Variants in GABRG3 observed in about 807,000 individuals in gnomAD.
GABRG3 encodes gamma-aminobutyric acid receptor subunit gamma-3.
GABRG3 carries 25 observed loss-of-function variants against 48.8 expected under a neutral mutation model. The observed-to-expected ratio is 0.51, with a 90% CI of 0.37 to 0.72. The LOEUF (loss-of-function observed/expected upper bound fraction) is 0.72. GABRG3 is among the 30% of genes least tolerant of loss of function. GABRG3 has a pLI of 0.00. For synonymous variants in GABRG3, 227 were observed against 217.6 expected (o/e 1.04, Z -0.38); for missense variants, 394 against 577.9 (o/e 0.68, Z 3.26).
At chr15:27,000,331 G>A (rs1205514155) in intron 2 of GABRG3, among the ~76,000 whole-genome samples, 1 of 152,124 alleles carries the variant, frequency 6.6e-6, no homozygotes, top group African/African-American at 2.4e-5. Flanking sequence ...GAATCTTGTG[G>A]TTTAGGTTTG....
intron 5 of GABRG3, among the ~76,000 whole-genome samples, chr15:27,424,554 T>TC (rs1413434142): frequency 7.0e-6 from 1 of 143,648 alleles, no homozygotes; most frequent in East Asian, 2.0e-4. Flanking sequence ...GGTTTCACCT[T>TC]TTTTTTTTTT....
chr15:27,111,702 G>T (rs899615272), intron 3 of GABRG3, among the ~76,000 whole-genome samples: 2 of 152,132 alleles, frequency 1.3e-5, no homozygotes, highest in African/African-American at 2.4e-5. Flanking sequence ...CTATAGTGGA[G>T]CTGCCTTGGT....
intron 2 of GABRG3, among the ~76,000 whole-genome samples, chr15:26,982,542 C>G (rs941453328): frequency 4.6e-5 from 7 of 152,176 alleles, no homozygotes; most frequent in Non-Finnish European, 8.8e-5. Context: ...CCCAACAATG[C>G]AGCGCTTGCA....
At chr15:26,995,858 CT>C (rs1895331183) in intron 2 of GABRG3, among the ~76,000 whole-genome samples, 1 of 152,054 alleles carries the variant, frequency 6.6e-6, no homozygotes, top group South Asian at 2.1e-4. Context: ...AACCTTATGT[CT>C]TTTTTATATG....
intron 3 of GABRG3, among the ~76,000 whole-genome samples, chr15:27,249,374 A>G (rs1890382328): frequency 6.6e-6 from 1 of 152,182 alleles, no homozygotes; most frequent in Non-Finnish European, 1.5e-5. Flanking sequence ...GTGCCCTTCC[A>G]GGTCGGGGGC....
intron 5 of GABRG3, chr15:27,428,250 A>G (rs1487573328): frequency 6.6e-6 from 1 of 152,178 alleles, no homozygotes. Context: ...GATGGTGGGT[A>G]GGGCTTCAAT....
At chr15:27,025,500 T>G (rs1230455104) in intron 2 of GABRG3, among the ~76,000 whole-genome samples, 1 of 152,228 alleles carries the variant, frequency 6.6e-6, no homozygotes, top group Non-Finnish European at 1.5e-5. Flanking sequence ...GGAATTGTGT[T>G]GGGGCATTTT....
intron 3 of GABRG3, among the ~76,000 whole-genome samples, chr15:27,260,626 T>C (rs1408592780): frequency 1.3e-5 from 2 of 152,126 alleles, no homozygotes; most frequent in Non-Finnish European, 2.9e-5. Flanking sequence ...CATCTGTAGA[T>C]TTTGGTGTCT....
chr15:27,401,847 T>C (rs1488996364), intron 5 of GABRG3, among the ~76,000 whole-genome samples: 5 of 94,838 alleles, frequency 5.3e-5, no homozygotes, highest in Admixed American at 1.2e-4. Context: ...AGGATAACAA[T>C]ATTTTTAAAG....
chr15:27,384,057 GTTAA>G (rs946158524), intron 5 of GABRG3, among the ~76,000 whole-genome samples: 3 of 152,106 alleles, frequency 2.0e-5, no homozygotes, highest in Admixed American at 6.5e-5. Flanking sequence ...CTATTTTTCG[GTTAA>G]TTAATTATAA....
chr15:27,524,329 C>A (rs1891225747), intron 7 of GABRG3, among the ~76,000 whole-genome samples: 1 of 151,944 alleles, frequency 6.6e-6, no homozygotes, highest in South Asian at 2.1e-4. Flanking sequence ...CAAAGAAGAA[C>A]AAAGAGAATT....
chr15:27,119,291 G>C (rs1163668809), intron 3 of GABRG3, among the ~76,000 whole-genome samples: 1 of 152,102 alleles, frequency 6.6e-6, no homozygotes, highest in Non-Finnish European at 1.5e-5. Context: ...GTTTATGAAG[G>C]CTCCAGTGTA....
intron 6 of GABRG3, among the ~76,000 whole-genome samples, chr15:27,502,674 A>AAGTT (rs1890669752): frequency 6.6e-6 from 1 of 152,220 alleles, no homozygotes; most frequent in Non-Finnish European, 1.5e-5. Context: ...AACGGGCTTC[A>AAGTT]AGTTGGGGTT....
intron 3 of GABRG3, among the ~76,000 whole-genome samples, chr15:27,061,344 C>G (rs1290010831): frequency 2.0e-5 from 3 of 152,216 alleles, no homozygotes; most frequent in Non-Finnish European, 2.9e-5. Context: ...TGCTCTCACA[C>G]TGTATACGGG....
chr15:27,145,115 AGGAAAAATAAGGAATGAACCATATACAG>A (rs138285548), intron 3 of GABRG3, among the ~76,000 whole-genome samples: 34,817 of 151,392 alleles, frequency 0.23, 4,844 homozygotes, highest in African/African-American at 0.36. Context: ...AGACAAACCA[AGGAAAAATAAGGAATGAACCATATACAG>A]GGAAAAATAA....
At chr15:27,129,231 T>A (rs1206621925) in intron 3 of GABRG3, among the ~76,000 whole-genome samples, 1 of 152,184 alleles carries the variant, frequency 6.6e-6, no homozygotes, top group African/African-American at 2.4e-5. Context: ...CATTCCCTGG[T>A]CCCTGGCAAC....
intron 6 of GABRG3, among the ~76,000 whole-genome samples, chr15:27,482,346 A>C (rs1426611512): frequency 1.3e-5 from 2 of 152,244 alleles, no homozygotes; most frequent in East Asian, 3.8e-4. Flanking sequence ...AAGCATGAGA[A>C]GTCACGCCCT....
At chr15:27,366,988 C>G (rs1430560484) in intron 5 of GABRG3, among the ~76,000 whole-genome samples, 1 of 152,180 alleles carries the variant, frequency 6.6e-6, no homozygotes, top group African/African-American at 2.4e-5. Context: ...GCTCACTTCC[C>G]TATCCCCTGG....
chr15:27,529,550 C>T (rs1320636471), intron 9 of GABRG3, among the ~76,000 whole-genome samples: 1 of 152,190 alleles, frequency 6.6e-6, no homozygotes, highest in Non-Finnish European at 1.5e-5. Context: ...ATATGCAGCG[C>T]ACTTCCAGCC....
Sources: gnomAD v4.1 joint callset for allele counts (sites outside exome capture counted in the v4.1 genomes callset) on GRCh38, gnomAD v4.1.1 for gene constraint, MANE v1.5 for transcripts, NCBI Gene and HGNC (gene_info 2026-07-23, HGNC 2026-07-21) for gene names.